The following TBC1D19 variants were observed in gnomAD, a reference collection of about 807,000 sequenced individuals.
The protein encoded by TBC1D19 is TBC1 domain family, member 19.
In TBC1D19, 60 loss-of-function variants were observed where a neutral mutation model predicts 89.0. That is an observed-to-expected ratio of 0.67 (90% CI 0.55 to 0.84). The LOEUF (loss-of-function observed/expected upper bound fraction) is 0.84, where lower values mean the gene tolerates loss of function less well. Ranked by LOEUF, TBC1D19 falls within the 40% of genes least tolerant of loss-of-function variation. The pLI, the probability that TBC1D19 is intolerant of heterozygous loss-of-function variation, is 0.00. For synonymous variants in TBC1D19, 189 were observed against 199.7 expected (o/e 0.95, Z 0.45); for missense variants, 500 against 610.8 (o/e 0.82, Z 1.91).
In TBC1D19 at chr4:26,638,834, G is replaced by C; in HGVS notation, c.433G>C (p.Asp145His). ...KWNEMGTDEP[D>H]LSLFRPVYAP... is the part of the protein sequence containing the mutation. ...GAATGAAATGGGAACTGATGAACCA[G>C]GTATGTGAACAATTTTTTCTGAATG... The change falls in exon 6 of 21, where the codon GAT becomes CAT. Residue 145 changes from aspartate to histidine, a missense_variant and splice_region_variant. By Grantham distance (81) the Asp-to-His change is moderately conservative (BLOSUM62 -1). This residue lies in a region of TBC1D19 where 280 missense variants were observed against 291.7 expected (regional missense o/e 0.96). Coordinates refer to ENST00000264866, the MANE Select transcript of TBC1D19 (RefSeq NM_018317.4). 1 of 1,605,194 alleles carries C rather than the reference G, an allele frequency of 6.2e-7. No homozygotes were observed. Among genetic ancestry groups the C allele is most frequent in the Admixed American group, 1.7e-5 (1 of 58,606 alleles).
intron 8 of TBC1D19, chr4:26,662,774 G>A (rs1745297434): frequency 6.6e-6 from 1 of 152,192 alleles, no homozygotes; most frequent in Non-Finnish European, 1.5e-5. Context: ...TTCAAGCCTG[G>A]AATTCTATAT....
intron 15 of TBC1D19, among the ~76,000 whole-genome samples, chr4:26,731,999 GA>G (rs907093121): frequency 2.0e-5 from 3 of 151,788 alleles, no homozygotes; most frequent in Non-Finnish European, 4.4e-5. Flanking sequence ...TAGGGTCCGG[GA>G]AAAAAAATTG....
chr4:26,857,515 C>A, the TBC1D19 span, among the ~76,000 whole-genome samples: 9 of 152,346 alleles, frequency 5.9e-5, no homozygotes, highest in Middle Eastern at 3.4e-3. Context: ...CCACCCTCCC[C>A]ACTGACAGCC....
At chr4:26,653,425 C>A (rs1744550640) in intron 7 of TBC1D19, among the ~76,000 whole-genome samples, 1 of 152,092 alleles carries the variant, frequency 6.6e-6, no homozygotes, top group Admixed American at 6.5e-5. Flanking sequence ...TCCTGGATAT[C>A]CTTGTTAACG....
chr4:26,842,860 A>C, the TBC1D19 span, among the ~76,000 whole-genome samples: 5 of 151,928 alleles, frequency 3.3e-5, no homozygotes, highest in Non-Finnish European at 5.9e-5. Context: ...TTTGTAACAG[A>C]GTAGTTGCTA....
chr4:26,734,981 TGTATATGTATATATGTATACACATA>T (rs1354362087), intron 15 of TBC1D19, among the ~76,000 whole-genome samples: 143 of 150,794 alleles, frequency 9.5e-4, no homozygotes, highest in Non-Finnish European at 1.7e-3. Context: ...TATACACATA[TGTATATGTATATATGTATACACATA>T]TGTATATGTG....
At chr4:26,731,394 A>T (rs942878033) in intron 15 of TBC1D19, among the ~76,000 whole-genome samples, 1 of 152,062 alleles carries the variant, frequency 6.6e-6, no homozygotes, top group African/African-American at 2.4e-5. Context: ...AAGACTGAAG[A>T]GTTAAGTGGT....
Position 26,709,395 on chromosome 4 carries a change from C to T in TBC1D19, c.955-8538C>T, listed in dbSNP as rs1715988761. Among the ~76,000 whole-genome samples, 4 of 152,168 alleles carry T rather than the reference C, an allele frequency of 2.6e-5. No homozygotes were observed. In the South Asian group the frequency reaches 8.3e-4, roughly 32 times the overall value. Reference sequence around the variant, plus strand: ...GTTCCTTTAAATCTTCTGAAAGTTACTTCAGCCAGAGGGGAAGGGGCTTGC... The same window carrying T: ...GTTCCTTTAAATCTTCTGAAAGTTATTTCAGCCAGAGGGGAAGGGGCTTGC... On this transcript the variant is annotated intron_variant, in intron 13 of 20. Coordinates refer to ENST00000264866, the MANE Select transcript of TBC1D19 (RefSeq NM_018317.4).
intron 1 of TBC1D19, among the ~76,000 whole-genome samples, chr4:26,595,454 G>T (rs1242813047): frequency 6.6e-6 from 1 of 152,054 alleles, no homozygotes; most frequent in African/African-American, 2.4e-5. Flanking sequence ...TTTATGGATT[G>T]TGCATTTGGT....
At chr4:26,826,783 G>T in the TBC1D19 span, among the ~76,000 whole-genome samples, 1 of 152,210 alleles carries the variant, frequency 6.6e-6, no homozygotes, top group African/African-American at 2.4e-5. Flanking sequence ...GTGGCGGGTG[G>T]ATGTTTATAA....
At chr4:26,790,001 C>A in the TBC1D19 span, among the ~76,000 whole-genome samples, 1 of 152,056 alleles carries the variant, frequency 6.6e-6, no homozygotes, top group Non-Finnish European at 1.5e-5. Context: ...AGACATACAG[C>A]GTGAAATAGT....
At chr4:26,674,843 A>G (rs1385758700) in intron 11 of TBC1D19, among the ~76,000 whole-genome samples, 2 of 152,026 alleles carry the variant, frequency 1.3e-5, no homozygotes, top group African/African-American at 4.8e-5. Context: ...ATTAATTATA[A>G]TTAATAATGA....
At chr4:26,786,790 TGGATGG>T in the TBC1D19 span, among the ~76,000 whole-genome samples, 1 of 150,084 alleles carries the variant, frequency 6.7e-6, no homozygotes, top group African/African-American at 2.5e-5. Flanking sequence ...GATGGATGGA[TGGATGG>T]GTGGGTGGAA....
At chr4:26,760,405 A>G (rs1719416797), downstream of TBC1D19, among the ~76,000 whole-genome samples, 1 of 152,098 alleles carries the variant, frequency 6.6e-6, no homozygotes, top group African/African-American at 2.4e-5. Context: ...CCTACAAAAA[A>G]TACAAAAAAA....
At chr4:26,724,305 G>A (rs117833408) in intron 15 of TBC1D19, among the ~76,000 whole-genome samples, 1 of 152,016 alleles carries the variant, frequency 6.6e-6, no homozygotes, top group Non-Finnish European at 1.5e-5. Context: ...TTTTTTTCCT[G>A]TGAATGGGTT....
At chr4:26,806,964 T>G in the TBC1D19 span, among the ~76,000 whole-genome samples, 1 of 152,166 alleles carries the variant, frequency 6.6e-6, no homozygotes, top group South Asian at 2.1e-4. Flanking sequence ...GGAATAAATG[T>G]CAGAAGGTTT....
At chr4:26,749,298 A>G (rs541351016) in intron 19 of TBC1D19, among the ~76,000 whole-genome samples, 1 of 152,312 alleles carries the variant, frequency 6.6e-6, no homozygotes, top group South Asian at 2.1e-4. Context: ...TTCACAATAG[A>G]TAGGGATCAG....
chr4:26,686,213 A>T (rs1713796731), intron 12 of TBC1D19, among the ~76,000 whole-genome samples: 2 of 152,206 alleles, frequency 1.3e-5, no homozygotes, highest in African/African-American at 2.4e-5. Flanking sequence ...ATTCTTTTAA[A>T]GGTTAAAGGA....
In TBC1D19 at chr4:26,704,414, C is replaced by T. The variant is rs142150421; in HGVS notation, c.955-13519C>T. ...GAGATTTACTCTTTCTGTTGTATGACGAATCTTCCATCATATGCTTGGTTT... is the reference window on the plus strand; with the variant it reads ...GAGATTTACTCTTTCTGTTGTATGATGAATCTTCCATCATATGCTTGGTTT... On this transcript the variant is annotated intron_variant, in intron 13 of 20. Coordinates refer to ENST00000264866, the MANE Select transcript of TBC1D19 (RefSeq NM_018317.4). Among the ~76,000 whole-genome samples the T allele has an allele frequency of 4.1e-3, 621 of 152,194 alleles. 4 individuals are homozygous for T. Among genetic ancestry groups the T allele is most frequent in the African/African-American group, 0.014 (587 of 41,536 alleles).
Sources: gnomAD v4.1 joint callset for allele counts (sites outside exome capture counted in the v4.1 genomes callset) on GRCh38, gnomAD v4.1.1 for gene constraint, gnomAD v4.1.1 regional missense constraint, MANE v1.5 for transcripts, NCBI Gene and HGNC (gene_info 2026-07-23, HGNC 2026-07-21) for gene names.